The following STK38L variants were observed in gnomAD, a reference collection of about 807,000 sequenced individuals.
STK38L encodes the protein serine/threonine kinase 38 like.
A neutral mutation model predicts 59.7 loss-of-function variants in STK38L; 28 were observed. The ratio of observed to expected loss-of-function variants is 0.47; its 90% CI spans 0.35 to 0.64. STK38L has a LOEUF of 0.64. Ranked by LOEUF, STK38L falls within the 30% of genes least tolerant of loss-of-function variation. The pLI is 0.01. For missense variants in STK38L, 314 were observed against 555.8 expected (o/e 0.56, Z 4.37); for synonymous variants, 162 against 176.8 (o/e 0.92, Z 0.66).
chr12:27,307,137 T>TA (rs893339237), intron 3 of STK38L, among the ~76,000 whole-genome samples: 6 of 152,164 alleles, frequency 3.9e-5, no homozygotes, highest in African/African-American at 1.4e-4. Context: ...AAAAGACATT[T>TA]AAAAAAAGAC....
chr12:27,298,403 C>G (rs1944081925), intron 2 of STK38L: 2 of 152,632 alleles, frequency 1.3e-5, no homozygotes, highest in African/African-American at 4.8e-5. Flanking sequence ...GATCACACCA[C>G]TGCACTCCAG....
intron 1 of STK38L, among the ~76,000 whole-genome samples, chr12:27,294,209 G>A (rs1219335418): frequency 6.6e-6 from 1 of 152,144 alleles, no homozygotes; most frequent in East Asian, 1.9e-4. Flanking sequence ...GATTCAGGAT[G>A]CATGTTAGCA....
At chr12:27,280,395 A>G (rs1195450931) in intron 1 of STK38L, among the ~76,000 whole-genome samples, 2 of 152,230 alleles carry the variant, frequency 1.3e-5, no homozygotes, top group East Asian at 3.8e-4. Context: ...AGAATAAAAA[A>G]TAAATGAATT....
At chr12:27,303,425 G>T (rs1944228833) in intron 3 of STK38L, among the ~76,000 whole-genome samples, 1 of 151,996 alleles carries the variant, frequency 6.6e-6, no homozygotes, top group African/African-American at 2.4e-5. Context: ...ACCTCTCAAG[G>T]TACCTTCTGT....
intron 1 of STK38L, among the ~76,000 whole-genome samples, chr12:27,279,147 G>GT (rs1484310396): frequency 6.6e-6 from 1 of 152,164 alleles, no homozygotes; most frequent in African/African-American, 2.4e-5. Context: ...TGGAAAAATT[G>GT]TAAGTTGGGG....
intron 3 of STK38L, among the ~76,000 whole-genome samples, chr12:27,305,951 G>A (rs141655850): frequency 5.3e-5 from 8 of 152,232 alleles, no homozygotes; most frequent in Non-Finnish European, 1.2e-4. Flanking sequence ...CAGGTTGTGA[G>A]TAGATATATC....
intron 1 of STK38L, among the ~76,000 whole-genome samples, chr12:27,260,188 C>G (rs1026812806): frequency 6.6e-6 from 1 of 152,088 alleles, no homozygotes; most frequent in Non-Finnish European, 1.5e-5. Context: ...TGTGATATAA[C>G]TAGGAATTAT....
chr12:27,245,504 C>T (rs1261993149), intron 1 of STK38L, among the ~76,000 whole-genome samples: 1 of 152,058 alleles, frequency 6.6e-6, no homozygotes, highest in South Asian at 2.1e-4. Flanking sequence ...ATTTTTGCTT[C>T]CTCAGTACAG....
At chr12:27,304,996 C>T (rs1229588782) in intron 3 of STK38L, among the ~76,000 whole-genome samples, 1 of 152,092 alleles carries the variant, frequency 6.6e-6, no homozygotes, top group Non-Finnish European at 1.5e-5. Context: ...CAAAGACATG[C>T]CACTTTTCAC....
chr12:27,261,502 GT>G (rs1943203790), intron 1 of STK38L, among the ~76,000 whole-genome samples: 1 of 152,110 alleles, frequency 6.6e-6, no homozygotes, highest in Non-Finnish European at 1.5e-5. Context: ...TTTCCCATTT[GT>G]TTTTCTGCAA....
chr12:27,259,995 A>G (rs1331457851), intron 1 of STK38L, among the ~76,000 whole-genome samples: 2 of 152,146 alleles, frequency 1.3e-5, no homozygotes, highest in Non-Finnish European at 2.9e-5. Context: ...TCTGTTTCTT[A>G]TATCAAGTTT....
chr12:27,303,618 T>C (rs1199488361), intron 3 of STK38L, among the ~76,000 whole-genome samples: 1 of 151,044 alleles, frequency 6.6e-6, no homozygotes, highest in African/African-American at 2.4e-5. Flanking sequence ...AGAGGGAGAG[T>C]GAGTGAGTGT....
rs577837729 is a variant in STK38L, at chr12:27,303,403, A to C, written c.186+1215A>C. Among the ~76,000 whole-genome samples the C allele has an allele frequency of 2.0e-5, 3 of 152,254 alleles. No homozygotes were observed. The South Asian group carries it at 6.2e-4, about 32-fold the overall frequency. ...CACTTCAGGCATCACTTCCACTGGGAAATCTTCCTTAACCTCTCAAGGTAC... is the reference window on the plus strand; with the variant it reads ...CACTTCAGGCATCACTTCCACTGGGCAATCTTCCTTAACCTCTCAAGGTAC... On this transcript the variant is annotated intron_variant, in intron 3 of 13. Transcript: ENST00000389032.
At chr12:27,321,776 A>G (rs1326106241) in intron 12 of STK38L, among the ~76,000 whole-genome samples, 2 of 152,208 alleles carry the variant, frequency 1.3e-5, no homozygotes, top group African/African-American at 4.8e-5. Context: ...AAAATAACTT[A>G]GAATGTAATT....
intron 3 of STK38L, among the ~76,000 whole-genome samples, chr12:27,306,307 G>T (rs1488516388): frequency 6.6e-6 from 1 of 151,898 alleles, no homozygotes; most frequent in African/African-American, 2.4e-5. Flanking sequence ...AATCTATAAA[G>T]GGAGAGATTC....
At chr12:27,312,790 A>G in intron 6 of STK38L, 118 bp downstream of exon 6, 2 of 1,261,210 alleles carry the variant, frequency 1.6e-6, no homozygotes, top group Admixed American at 4.9e-5. Flanking sequence ...ACATAGTCAC[A>G]GTTTAAAAAT....
chr12:27,284,404 T>C (rs1224561293), intron 1 of STK38L, among the ~76,000 whole-genome samples: 1 of 152,306 alleles, frequency 6.6e-6, no homozygotes, highest in Admixed American at 6.5e-5. Flanking sequence ...GATAATATAG[T>C]CTCTCTCACT....
At chr12:27,305,464 C>T (rs867965963) in intron 3 of STK38L, among the ~76,000 whole-genome samples, 1 of 152,100 alleles carries the variant, frequency 6.6e-6, no homozygotes. Flanking sequence ...TTATTAGGCT[C>T]CATGCTAGAG....
intron 1 of STK38L, among the ~76,000 whole-genome samples, chr12:27,281,602 A>G (rs1943660357): frequency 2.0e-5 from 3 of 152,234 alleles, no homozygotes; most frequent in Admixed American, 2.0e-4. Flanking sequence ...AAGATAATGC[A>G]CACAGTACTG....
Sources: gnomAD v4.1 joint callset for allele counts (sites outside exome capture counted in the v4.1 genomes callset) on GRCh38, gnomAD v4.1.1 for gene constraint, MANE v1.5 for transcripts, NCBI Gene and HGNC (gene_info 2026-07-23, HGNC 2026-07-21) for gene names.